Variants in KAT6B observed in about 807,000 individuals in gnomAD.
KAT6B encodes the protein lysine acetyltransferase 6B.
A neutral mutation model predicts 187.5 loss-of-function variants in KAT6B; 10 were observed. The observed-to-expected ratio is 0.05, with a 90% confidence interval of 0.03 to 0.09. The LOEUF is 0.09. Among genes scored for constraint, KAT6B ranks in the 10% least tolerant of loss-of-function variants. The pLI, the probability that KAT6B is intolerant of heterozygous loss-of-function variation, is 1.00. For missense variants in KAT6B, 1,952 were observed against 2,558.9 expected, an observed-to-expected ratio of 0.76 and a Z score of 5.12; for synonymous variants, 861 against 926.8, an observed-to-expected ratio of 0.93 and a Z score of 1.29.
intron 1 of KAT6B, among the ~76,000 whole-genome samples, chr10:74,828,559 GTTC>G (rs1840458072): frequency 1.5e-5 from 2 of 134,026 alleles, no homozygotes; most frequent in African/African-American, 5.6e-5. Flanking sequence ...TTACTCATAA[GTTC>G]TTTTTTTTTT....
chr10:75,006,496 G>C (rs1844211600), intron 13 of KAT6B, among the ~76,000 whole-genome samples: 1 of 152,004 alleles, frequency 6.6e-6, no homozygotes, highest in Admixed American at 6.6e-5. Flanking sequence ...TATCACCCAG[G>C]CTGTAGTGCA....
chr10:74,988,061 G>GT, intron 12 of KAT6B, among the ~76,000 whole-genome samples: 1 of 152,292 alleles, frequency 6.6e-6, no homozygotes, highest in East Asian at 1.9e-4. Flanking sequence ...GCCCTGTAGG[G>GT]TTTTTTCCAC....
intron 3 of KAT6B, among the ~76,000 whole-genome samples, chr10:74,948,819 G>T (rs1043325295): frequency 1.3e-5 from 2 of 152,190 alleles, no homozygotes; most frequent in African/African-American, 4.8e-5. Context: ...TCATAGAGAT[G>T]AATTACAATA....
At chr10:74,943,421 A>C (rs1392451691) in intron 3 of KAT6B, among the ~76,000 whole-genome samples, 1 of 152,252 alleles carries the variant, frequency 6.6e-6, no homozygotes, top group Non-Finnish European at 1.5e-5. Flanking sequence ...AAACAAGCCC[A>C]GTAAAGATCC....
chr10:74,876,223 C>T (rs1186761509), intron 3 of KAT6B, among the ~76,000 whole-genome samples: 1 of 152,178 alleles, frequency 6.6e-6, no homozygotes, highest in Non-Finnish European at 1.5e-5. Context: ...CCCCACTCCC[C>T]ACCCCTGCCG....
In KAT6B at chr10:74,985,148, C is replaced by T. The variant is rs1842735006; in HGVS notation, c.2442C>T (p.His814=). 2 of 1,613,976 alleles carry T rather than the reference C, an allele frequency of 1.2e-6. No homozygotes were observed. The highest frequency in any genetic ancestry group is 1.7e-6 in the Non-Finnish European group (2 of 1,180,002). The change falls in exon 12 of 18, where the codon CAC becomes CAT. Residue 814 remains histidine (H), a synonymous_variant. Coordinates refer to ENST00000287239, the MANE Select transcript of KAT6B (RefSeq NM_012330.4). The part of the protein sequence containing the change: ...LCLLAKLFLD[H]KTLYYDVEPF... ...TGTTAGCCAAGCTCTTCCTGGACCA[C>T]AAAACGTTGTATTATGATGTCGAGC...
At chr10:75,024,371 A>G (rs1177095557) in intron 16 of KAT6B, 1 of 153,382 alleles carries the variant, frequency 6.5e-6, no homozygotes, top group Non-Finnish European at 1.5e-5. Context: ...CTCAGCAGCC[A>G]CCAATACTTG....
intron 3 of KAT6B, among the ~76,000 whole-genome samples, chr10:74,903,661 G>C (rs999053296): frequency 6.6e-6 from 1 of 152,202 alleles, no homozygotes; most frequent in Non-Finnish European, 1.5e-5. Context: ...TTTTGGCTCT[G>C]TGAGACCCTA....
chr10:74,841,229 G>C (rs558774111), intron 2 of KAT6B, among the ~76,000 whole-genome samples: 1 of 152,204 alleles, frequency 6.6e-6, no homozygotes, highest in Non-Finnish European at 1.5e-5. Context: ...GGCAGAACTA[G>C]CTAGAGCAGG....
intron 3 of KAT6B, among the ~76,000 whole-genome samples, chr10:74,868,639 C>A (rs913965675): frequency 6.6e-6 from 1 of 152,126 alleles, no homozygotes; most frequent in African/African-American, 2.4e-5. Context: ...GTTTAGTCAC[C>A]TGTTGGGCCC....
chr10:74,885,274 G>C (rs1845155679), intron 3 of KAT6B, among the ~76,000 whole-genome samples: 2 of 152,142 alleles, frequency 1.3e-5, no homozygotes, highest in African/African-American at 4.8e-5. Context: ...GTCTCTCTAT[G>C]TTGCCCAAGC....
intron 3 of KAT6B, among the ~76,000 whole-genome samples, chr10:74,853,342 G>A (rs896527502): frequency 2.0e-5 from 3 of 150,610 alleles, no homozygotes; most frequent in African/African-American, 4.9e-5. Flanking sequence ...AGGCTGGAGT[G>A]CAGCCGTGTA....
chr10:74,981,768 G>A lies in KAT6B; in HGVS notation c.2232-19G>A. ...GTATAATCTATCTGATAGATTCTAT[G>A]ATTTTTAAACTTTAACAGATTACCA... is the stretch of plus-strand genomic sequence containing the variant. On this transcript the variant is annotated intron_variant, in intron 10 of 17. Transcript: ENST00000287239. 1.4e-6 allele frequency: 2 copies of A among 1,461,364 alleles called. No homozygotes were observed. The highest frequency in any genetic ancestry group is 1.9e-6 in the Non-Finnish European group (2 of 1,042,904). The allele number at this position is 1,461,364 out of a possible 1,614,324, so 90.5% of individuals were successfully genotyped here.
At chr10:74,966,456 G>A (rs1841477590) in intron 4 of KAT6B, among the ~76,000 whole-genome samples, 1 of 152,176 alleles carries the variant, frequency 6.6e-6, no homozygotes, top group African/African-American at 2.4e-5. Context: ...TTACTACAGA[G>A]CCTGTGTTTT....
chr10:74,933,277 A>G (rs1395433886), intron 3 of KAT6B, among the ~76,000 whole-genome samples: 11 of 152,224 alleles, frequency 7.2e-5, no homozygotes. Context: ...AGACATAAGT[A>G]ACTCATGAGT....
chr10:74,944,021 G>GC (rs1849903526), intron 3 of KAT6B, among the ~76,000 whole-genome samples: 1 of 152,226 alleles, frequency 6.6e-6, no homozygotes, highest in Non-Finnish European at 1.5e-5. Flanking sequence ...TACGGATAAA[G>GC]CTCAGGTATG....
chr10:74,826,058 C>T (rs1277223397), upstream of KAT6B, among the ~76,000 whole-genome samples: 4 of 151,882 alleles, frequency 2.6e-5, no homozygotes, highest in Non-Finnish European at 5.9e-5. Flanking sequence ...GCGCGCCCGC[C>T]CGCGCCCACC....
intron 12 of KAT6B, among the ~76,000 whole-genome samples, chr10:74,986,296 T>C (rs1487930030): frequency 1.3e-5 from 2 of 152,154 alleles, no homozygotes; most frequent in Non-Finnish European, 2.9e-5. Context: ...ACCTAGGAAA[T>C]AGTTAAATGT....
At chr10:75,017,949 C>G (rs1352926459) in intron 13 of KAT6B, among the ~76,000 whole-genome samples, 1 of 152,204 alleles carries the variant, frequency 6.6e-6, no homozygotes, top group Non-Finnish European at 1.5e-5. Flanking sequence ...CCAAATGGCT[C>G]CTGGCATAAG....
Sources: gnomAD v4.1 joint callset for allele counts (sites outside exome capture counted in the v4.1 genomes callset) on GRCh38, gnomAD v4.1.1 for gene constraint, MANE v1.5 for transcripts, NCBI Gene and HGNC (gene_info 2026-07-23, HGNC 2026-07-21) for gene names.